The following CPPED1 variants were observed in gnomAD, a reference collection of about 807,000 sequenced individuals.
The protein encoded by CPPED1 is calcineurin like phosphoesterase domain containing 1.
Under a neutral mutation model 28.0 loss-of-function variants are expected in CPPED1, and 28 were observed. The observed-to-expected ratio is 1.00, with a 90% confidence interval of 0.74 to 1.37. CPPED1 has a LOEUF of 1.37. Among genes scored for constraint, CPPED1 ranks in the 40% most tolerant of loss-of-function variants. The pLI is 0.00. For missense variants in CPPED1, 504 were observed against 416.5 expected (o/e 1.21, Z -1.83); for synonymous variants, 198 against 180.2 (o/e 1.10, Z -0.79).
At chr16:12,782,020 TA>T in intron 1 of CPPED1, among the ~76,000 whole-genome samples, 1 of 151,920 alleles carries the variant, frequency 6.6e-6, no homozygotes, top group East Asian at 1.9e-4. Flanking sequence ...TCAAAGGCAG[TA>T]GGATGTGGGC....
chr16:12,675,776 A>G (rs1596441433), intron 3 of CPPED1, among the ~76,000 whole-genome samples: 1 of 152,376 alleles, frequency 6.6e-6, no homozygotes, highest in Non-Finnish European at 1.5e-5. Context: ...ATTGCAAACC[A>G]TCACTCACAC....
intron 1 of CPPED1, among the ~76,000 whole-genome samples, chr16:12,788,620 A>G (rs1043695396): frequency 6.6e-6 from 1 of 152,136 alleles, no homozygotes; most frequent in Admixed American, 6.6e-5. Context: ...CTCAAGTTCA[A>G]GGTCACACAA....
intron 2 of CPPED1, among the ~76,000 whole-genome samples, chr16:12,706,646 G>T (rs948388207): frequency 6.6e-6 from 1 of 151,368 alleles, no homozygotes; most frequent in Non-Finnish European, 1.5e-5. Flanking sequence ...TGGCTGGAAT[G>T]AATGTTTGGA....
chr16:12,759,409 G>A (rs1567299096), intron 2 of CPPED1: 1 of 152,238 alleles, frequency 6.6e-6, no homozygotes, highest in Non-Finnish European at 1.5e-5. Context: ...TCAAAGTCTG[G>A]TTCAAGGTGA....
chr16:12,693,993 G>T (rs1403674834), intron 3 of CPPED1, among the ~76,000 whole-genome samples: 1 of 152,144 alleles, frequency 6.6e-6, no homozygotes, highest in African/African-American at 2.4e-5. Flanking sequence ...GTCACCTGAG[G>T]TCAGGAGTTA....
At chr16:12,669,488 T>C (rs184585231) in intron 3 of CPPED1, among the ~76,000 whole-genome samples, 8 of 152,340 alleles carry the variant, frequency 5.3e-5, no homozygotes, top group Admixed American at 3.3e-4. Context: ...ATGTGAATTA[T>C]AGCTCAATAA....
intron 2 of CPPED1, among the ~76,000 whole-genome samples, chr16:12,773,529 C>T (rs556072969): frequency 6.6e-6 from 1 of 152,130 alleles, no homozygotes; most frequent in South Asian, 2.1e-4. Flanking sequence ...TCAAGACCAG[C>T]CTAGGCAACA....
chr16:12,762,898 C>T (rs1406694029), intron 2 of CPPED1, among the ~76,000 whole-genome samples: 1 of 151,926 alleles, frequency 6.6e-6, no homozygotes, highest in African/African-American at 2.4e-5. Context: ...TACACACCAC[C>T]ACACCCAGCT....
intron 3 of CPPED1, among the ~76,000 whole-genome samples, chr16:12,699,847 C>G (rs1159217635): frequency 6.6e-6 from 1 of 152,132 alleles, no homozygotes; most frequent in Non-Finnish European, 1.5e-5. Context: ...TCGTCACCCC[C>G]AATTTTATCC....
At chr16:12,669,067 C>T (rs1567271176) in intron 3 of CPPED1, among the ~76,000 whole-genome samples, 2 of 152,182 alleles carry the variant, frequency 1.3e-5, no homozygotes, top group Non-Finnish European at 2.9e-5. Context: ...GCCTAAAATA[C>T]GGAAGCAACC....
chr16:12,692,393 T>A (rs1938618077), intron 3 of CPPED1, among the ~76,000 whole-genome samples: 1 of 152,122 alleles, frequency 6.6e-6, no homozygotes. Context: ...CCCTTACACA[T>A]CCTTTTCACG....
At chr16:12,695,079 A>T (rs1027444259) in intron 3 of CPPED1, among the ~76,000 whole-genome samples, 2 of 152,258 alleles carry the variant, frequency 1.3e-5, no homozygotes, top group African/African-American at 4.8e-5. Flanking sequence ...CACTCAGCCT[A>T]AAAATTTCAT....
intron 3 of CPPED1, among the ~76,000 whole-genome samples, chr16:12,692,226 G>C (rs895171004): frequency 6.6e-6 from 1 of 152,100 alleles, no homozygotes; most frequent in Non-Finnish European, 1.5e-5. Flanking sequence ...ATACCCACTG[G>C]TGGCACTTCA....
intron 3 of CPPED1, among the ~76,000 whole-genome samples, chr16:12,687,920 G>A (rs957672177): frequency 6.6e-5 from 10 of 151,734 alleles, no homozygotes; most frequent in African/African-American, 2.2e-4. Context: ...TAAATTAAAG[G>A]AATAACAACA....
intron 2 of CPPED1, among the ~76,000 whole-genome samples, chr16:12,765,112 T>C (rs966301245): frequency 5.9e-5 from 9 of 152,378 alleles, no homozygotes; most frequent in African/African-American, 2.2e-4. Context: ...TAAACACATT[T>C]ACTTTCATCT....
intron 3 of CPPED1, among the ~76,000 whole-genome samples, chr16:12,697,541 T>C (rs1166274657): frequency 6.6e-6 from 1 of 152,164 alleles, no homozygotes; most frequent in Non-Finnish European, 1.5e-5. Context: ...ATACAGAATG[T>C]GGACAAGGTT....
intron 2 of CPPED1, among the ~76,000 whole-genome samples, chr16:12,741,300 C>CTT (rs11322298): frequency 2.7e-4 from 35 of 128,676 alleles, no homozygotes; most frequent in Admixed American, 8.2e-4. Flanking sequence ...TCTGGCTGCC[C>CTT]TTTTTTTTTT....
intron 2 of CPPED1, among the ~76,000 whole-genome samples, chr16:12,706,492 CCTTTCCTTCCTCCCTTCCTT>C (rs1369324282): frequency 8.0e-5 from 12 of 150,198 alleles, no homozygotes; most frequent in African/African-American, 2.2e-4. Flanking sequence ...TTTCTCCCTT[CCTTTCCTTCCTCCCTTCCTT>C]CTTTCCTTCC....
At chr16:12,704,450 C>A (rs1403371033) in intron 3 of CPPED1, among the ~76,000 whole-genome samples, 174 bp downstream of exon 3, 1 of 152,180 alleles carries the variant, frequency 6.6e-6, no homozygotes, top group Non-Finnish European at 1.5e-5. Context: ...AACTGAGGCA[C>A]AGGAGGATTA....
Sources: gnomAD v4.1 joint callset for allele counts (sites outside exome capture counted in the v4.1 genomes callset) on GRCh38, gnomAD v4.1.1 for gene constraint, MANE v1.5 for transcripts, NCBI Gene and HGNC (gene_info 2026-07-23, HGNC 2026-07-21) for gene names.